Variants in VPS13B observed in about 807,000 individuals in gnomAD.
The protein encoded by VPS13B is vacuolar protein sorting 13 homolog B.
In VPS13B, 285 loss-of-function variants were observed where a neutral mutation model predicts 426.4. The ratio of observed to expected loss-of-function variants is 0.67; its 90% CI spans 0.61 to 0.74. The LOEUF is 0.74. Ranked by LOEUF, VPS13B falls within the 30% of genes least tolerant of loss-of-function variation. The pLI is 0.00. For missense variants in VPS13B, 4,537 were observed against 4,782.6 expected (o/e 0.95, Z 1.51); for synonymous variants, 1,676 against 1,676.4 (o/e 1.00, Z 0.01).
chr8:99,013,339 C>T lies in VPS13B; in HGVS notation c.-38C>T. ...TGGAGGTGGAGGGGACGCGGCGGTA[C>T]TCTGGCGTGTGAGCCGAGGGTGGAG... On this transcript the variant is annotated 5_prime_UTR_variant, in exon 1 of 62. Coordinates refer to ENST00000357162, the MANE Select transcript of VPS13B (RefSeq NM_152564.5). 3.7e-6 allele frequency: 1 copy of T among 272,544 alleles called. No homozygotes were observed. The highest frequency in any genetic ancestry group is 7.2e-6 in the Non-Finnish European group (1 of 138,824). 16.9% of individuals were successfully genotyped at this position (272,544 alleles called of 1,614,324 possible).
chr8:99,718,949 C>A (rs986875806), intron 37 of VPS13B, among the ~76,000 whole-genome samples: 1 of 152,022 alleles, frequency 6.6e-6, no homozygotes, highest in Non-Finnish European at 1.5e-5. Context: ...AGCACCCGGC[C>A]AATTTTTTGT....
chr8:99,594,718 C>T (rs1760872057), intron 33 of VPS13B, among the ~76,000 whole-genome samples: 1 of 151,910 alleles, frequency 6.6e-6, no homozygotes, highest in Non-Finnish European at 1.5e-5. Flanking sequence ...GCAGCTTATT[C>T]CTCAGGTAAA....
intron 17 of VPS13B, among the ~76,000 whole-genome samples, chr8:99,261,816 T>C (rs1473139514): frequency 6.6e-6 from 1 of 152,164 alleles, no homozygotes; most frequent in African/African-American, 2.4e-5. Flanking sequence ...GTAGGAGAGA[T>C]TGTGATTCAT....
chr8:99,832,796 C>T, intron 52 of VPS13B, 144 bp downstream of exon 52: 2 of 842,606 alleles, frequency 2.4e-6, no homozygotes, highest in South Asian at 3.5e-5. Flanking sequence ...ACATTGTATA[C>T]AGTGGGTCAA....
At chr8:99,355,473 C>A (rs1414818106) in intron 19 of VPS13B, among the ~76,000 whole-genome samples, 1 of 152,120 alleles carries the variant, frequency 6.6e-6, no homozygotes, top group Non-Finnish European at 1.5e-5. Context: ...TGCCTGTAAT[C>A]CCAGCTACTC....
At chr8:99,167,316 A>G (rs1339518990) in intron 15 of VPS13B, among the ~76,000 whole-genome samples, 1 of 152,132 alleles carries the variant, frequency 6.6e-6, no homozygotes. Flanking sequence ...CATACATACC[A>G]ACTTTTAAAA....
At chr8:99,587,002 G>C (rs1027800825) in intron 33 of VPS13B, among the ~76,000 whole-genome samples, 1 of 152,072 alleles carries the variant, frequency 6.6e-6, no homozygotes, top group Non-Finnish European at 1.5e-5. Context: ...GCCCCGGTGT[G>C]TGATGTTCCC....
chr8:99,508,393 A>T (rs756035478), intron 28 of VPS13B, among the ~76,000 whole-genome samples: 3 of 152,158 alleles, frequency 2.0e-5, no homozygotes, highest in African/African-American at 4.8e-5. Context: ...TGACTTTTAG[A>T]CGTTTAGAAC....
chr8:99,052,235 C>A (rs992748105), intron 3 of VPS13B, among the ~76,000 whole-genome samples: 23 of 118,342 alleles, frequency 1.9e-4, no homozygotes, highest in African/African-American at 6.2e-4. Context: ...GAGTTTTTAG[C>A]ATGAAGCGTT....
intron 16 of VPS13B, among the ~76,000 whole-genome samples, chr8:99,188,153 T>G (rs1204577331): frequency 6.6e-6 from 1 of 151,474 alleles, no homozygotes. Flanking sequence ...TTGTTTTCAT[T>G]GAGCTAAAAT....
chr8:99,245,060 C>G (rs1328751835), intron 17 of VPS13B, among the ~76,000 whole-genome samples: 1 of 152,174 alleles, frequency 6.6e-6, no homozygotes, highest in African/African-American at 2.4e-5. Context: ...TGCTTTCTCT[C>G]TTGTTTCACA....
intron 14 of VPS13B, among the ~76,000 whole-genome samples, chr8:99,156,030 A>G (rs1811340900): frequency 6.6e-6 from 1 of 152,290 alleles, no homozygotes; most frequent in South Asian, 2.1e-4. Flanking sequence ...TTAGGACTTT[A>G]TGAGCCCTTA....
rs1018734036 is a variant in VPS13B at position 99,110,115 on chromosome 8, A to G, written c.581-983A>G. Among the ~76,000 whole-genome samples, 118 of 152,302 alleles carry G rather than the reference A, an allele frequency of 7.7e-4. 1 individual carries two copies. Among genetic ancestry groups the G allele is most frequent in the Admixed American group, 7.5e-3 (115 of 15,304 alleles). Reference sequence around the variant, plus strand: ...CAACTTTGAAATTTATCTGCAAATAATACTGTTTAGACACATCTTCTTTAA... The same window carrying G: ...CAACTTTGAAATTTATCTGCAAATAGTACTGTTTAGACACATCTTCTTTAA... On this transcript the variant is annotated intron_variant, in intron 5 of 61. Transcript: ENST00000357162.
chr8:99,828,439 T>A, intron 51 of VPS13B, among the ~76,000 whole-genome samples: 1 of 122,638 alleles, frequency 8.2e-6, no homozygotes, highest in Middle Eastern at 4.2e-3. Context: ...TTTTTTGCTT[T>A]CCATGTGCTT....
intron 19 of VPS13B, among the ~76,000 whole-genome samples, chr8:99,289,702 AG>A (rs1819628032): frequency 6.6e-6 from 1 of 152,148 alleles, no homozygotes; most frequent in Non-Finnish European, 1.5e-5. Flanking sequence ...TCACCTCTGC[AG>A]GGTGATAAAT....
intron 17 of VPS13B, among the ~76,000 whole-genome samples, chr8:99,227,605 T>C (rs1244210175): frequency 6.6e-6 from 1 of 152,156 alleles, no homozygotes; most frequent in African/African-American, 2.4e-5. Flanking sequence ...AAAATATAAT[T>C]AGTAGATTGC....
intron 27 of VPS13B, among the ~76,000 whole-genome samples, chr8:99,504,868 G>A (rs944375759): frequency 6.6e-6 from 1 of 152,124 alleles, no homozygotes; most frequent in Non-Finnish European, 1.5e-5. Flanking sequence ...AGTCTGAGAT[G>A]GCATCTTCTT....
intron 19 of VPS13B, among the ~76,000 whole-genome samples, chr8:99,377,293 T>G (rs1813540795): frequency 2.6e-5 from 4 of 152,158 alleles, no homozygotes. Flanking sequence ...CTCTATTATC[T>G]CTCTCGAGCC....
chr8:99,122,764 A>G (rs920327609), intron 8 of VPS13B, among the ~76,000 whole-genome samples: 2 of 152,212 alleles, frequency 1.3e-5, no homozygotes, highest in Non-Finnish European at 2.9e-5. Context: ...TTAAATTGAT[A>G]TTATAAACAA....
Sources: gnomAD v4.1 joint callset for allele counts (sites outside exome capture counted in the v4.1 genomes callset) on GRCh38, gnomAD v4.1.1 for gene constraint, MANE v1.5 for transcripts, NCBI Gene and HGNC (gene_info 2026-07-23, HGNC 2026-07-21) for gene names.